MYCBP2: variants seen among roughly 807,000 people sequenced by gnomAD.
MYCBP2 encodes the protein E3 ubiquitin-protein ligase MYCBP2.
A neutral mutation model predicts 525.3 loss-of-function variants in MYCBP2; 120 were observed. The observed-to-expected ratio is 0.23, with a 90% CI of 0.20 to 0.27. The LOEUF is 0.27. Ranked by LOEUF, MYCBP2 falls within the 10% of genes least tolerant of loss-of-function variation. The pLI is 1.00. For missense variants in MYCBP2, 4,149 were observed against 5,657.1 expected (o/e 0.73, Z 8.55); for synonymous variants, 1,894 against 1,955.8 (o/e 0.97, Z 0.83).
At chr13:77,250,549 C>T (rs565950126) in intron 15 of MYCBP2, among the ~76,000 whole-genome samples, 2 of 152,144 alleles carry the variant, frequency 1.3e-5, no homozygotes, top group Non-Finnish European at 2.9e-5. Flanking sequence ...AAAATTCTTC[C>T]TAACATCCTA....
At chr13:77,283,989 T>C (rs530749320) in intron 3 of MYCBP2, among the ~76,000 whole-genome samples, 11 of 152,216 alleles carry the variant, frequency 7.2e-5, no homozygotes, top group Non-Finnish European at 1.6e-4. Context: ...CAGTTTGAGC[T>C]GGTTAAAAAA....
chr13:77,135,902 T>A (rs2053675780), intron 52 of MYCBP2, among the ~76,000 whole-genome samples: 1 of 151,872 alleles, frequency 6.6e-6, no homozygotes. Context: ...AGTGGTGTGA[T>A]CTCAGCTCAC....
rs531673237 is a variant in MYCBP2, at chr13:77,087,640, A to C, written c.10726-7T>G. ...ACAGAAGCCAGTTGAAAGCCTGAAG[A>C]AATGACGGTTAAATGAGTTCAAGAA... On this transcript the variant is annotated splice_polypyrimidine_tract_variant and splice_region_variant and intron_variant, in intron 61 of 82. Transcript: ENST00000544440. 78 of 1,608,546 alleles carry C rather than the reference A, an allele frequency of 4.8e-5. No individual in the cohort carries two copies. In the South Asian group the frequency reaches 8.4e-4, roughly 17 times the overall value.
rs1160830448 is a variant in MYCBP2, at chr13:77,181,859, G to A, written c.4783C>T (p.Leu1595=). The change falls in exon 33 of 83, where the codon CTG becomes TTG. Residue 1595 remains leucine, a synonymous_variant. Coordinates refer to ENST00000544440, the MANE Select transcript of MYCBP2 (RefSeq NM_015057.5). The stretch of plus-strand genomic sequence containing the variant: ...GTCAGCTTAACAGACGTGTGACACA[G>A]AGCTGACATAACAGCTGCAAGGAGT... ...SRLLAAVMSA[L]CHTSVKLTSI... is the part of the protein sequence containing the mutation. 6.2e-7 allele frequency: 1 copy of A among 1,614,020 alleles called. No individual in the cohort carries two copies. Among genetic ancestry groups the A allele is most frequent in the South Asian group, 1.1e-5 (1 of 91,074 alleles).
chr13:77,255,894 T>C (rs530901550), intron 14 of MYCBP2, among the ~76,000 whole-genome samples: 1 of 152,148 alleles, frequency 6.6e-6, no homozygotes, highest in East Asian at 1.9e-4. Context: ...CGCTTAGTTC[T>C]AATAATATAT....
chr13:77,326,366 A>G lies in MYCBP2; in HGVS notation c.302+108T>C. 1 of 1,125,532 alleles carries G rather than the reference A, an allele frequency of 8.9e-7. No individual in the cohort carries two copies. Among genetic ancestry groups the G allele is most frequent in the East Asian group, 2.9e-5 (1 of 34,074 alleles). The allele number at this position is 1,125,532 out of a possible 1,614,324, so 69.7% of individuals were successfully genotyped here. On this transcript the variant is annotated intron_variant, in intron 1 of 82. Coordinates refer to ENST00000544440, the MANE Select transcript of MYCBP2 (RefSeq NM_015057.5). This position sits in a 1 kb window ranked among gnomAD's most constrained non-coding sequence, Gnocchi z 4.2. ...TCCAGAGCGGACTGAAAGCTCAATA[A>G]ATGCGCAGGTACACACACGCAAGCA...
chr13:77,326,620 C>T lies in MYCBP2; in HGVS notation c.156G>A (p.Gly52=). ...GGGAGTCCGCGGCGGGTAGCCCCAG[C>T]CCCAGCCCCGCAGCAGCCACGGAGC... is the stretch of plus-strand genomic sequence containing the variant. The part of the protein sequence containing the change: ...PDGSVAAAGL[G]LGLPAADSRG... Residue 52 remains glycine, a synonymous_variant, in exon 1 of 83, where the codon GGG becomes GGA. Transcript: ENST00000544440. The surrounding 1 kb of genome is among the most constrained non-coding windows in gnomAD (Gnocchi z 4.2). 6.4e-7 allele frequency: 1 copy of T among 1,566,624 alleles called. No individual in the cohort carries two copies.
chr13:77,160,291 TC>T (rs1010551403), intron 44 of MYCBP2, among the ~76,000 whole-genome samples: 1 of 152,186 alleles, frequency 6.6e-6, no homozygotes, highest in African/African-American at 2.4e-5. Flanking sequence ...GTGCAGTTGC[TC>T]ACTAGCTGTA....
intron 7 of MYCBP2, among the ~76,000 whole-genome samples, chr13:77,269,475 A>C (rs956708460): frequency 1.2e-4 from 19 of 152,112 alleles, no homozygotes; most frequent in Non-Finnish European, 2.1e-4. Flanking sequence ...GTCTCTACTA[A>C]AAATACAAAA....
At chr13:77,189,101 T>G in intron 29 of MYCBP2, 54 bp from the exon 30 acceptor site, 4 of 1,333,756 alleles carry the variant, frequency 3.0e-6, no homozygotes, top group Non-Finnish European at 3.1e-6. Flanking sequence ...TGTCATTTTT[T>G]CTTTTTAAAG....
At position 77,326,435 on chromosome 13, in the gene MYCBP2, G is replaced by A. The variant is rs2082322458; in HGVS notation, c.302+39C>T. ...CGCGCGGCATGGGGCGCAAGGAAGG[G>A]CGGCATGGGGCGCAAGGAAGGGCAC... On this transcript the variant is annotated intron_variant, in intron 1 of 82. Coordinates refer to ENST00000544440, the MANE Select transcript of MYCBP2 (RefSeq NM_015057.5). The surrounding 1 kb of genome is among the most constrained non-coding windows in gnomAD (Gnocchi z 4.2). The A allele has an allele frequency of 1.3e-6, 2 of 1,504,404 alleles. No individual in the cohort carries two copies. Among genetic ancestry groups the A allele is most frequent in the Middle Eastern group, 1.8e-4 (1 of 5,680 alleles). The allele number at this position is 1,504,404 out of a possible 1,614,324, so 93.2% of individuals were successfully genotyped here.
intron 2 of MYCBP2, among the ~76,000 whole-genome samples, chr13:77,294,812 C>T (rs1470680043): frequency 6.6e-6 from 1 of 152,194 alleles, no homozygotes; most frequent in Admixed American, 6.5e-5. Context: ...TCTGCCTACC[C>T]GGCAACACTT....
chr13:77,115,090 T>C (rs1429156265), intron 55 of MYCBP2, among the ~76,000 whole-genome samples: 1 of 151,840 alleles, frequency 6.6e-6, no homozygotes, highest in Non-Finnish European at 1.5e-5. Flanking sequence ...GAGTAAACAA[T>C]GGAATATCAT....
Position 77,098,649 on chromosome 13 carries a change from C to T in MYCBP2, c.8505G>A (p.Ser2835=), listed in dbSNP as rs151034063. 68 of 1,613,440 alleles carry T rather than the reference C, an allele frequency of 4.2e-5. No individual in the cohort carries two copies. The highest frequency in any genetic ancestry group is 2.8e-4 in the African/African-American group (21 of 74,922). ...KTLPANRSSP[S]GASSPRSSSP... is the part of the protein sequence containing the mutation. ...AGGAGGAGCGTGGAGAACTAGCACC[C>T]GATGGGCTAGACCTATTGGCTGGGA... Residue 2835 remains serine (S), a synonymous_variant, in exon 56 of 83, where the codon TCG becomes TCA. Coordinates refer to ENST00000544440, the MANE Select transcript of MYCBP2 (RefSeq NM_015057.5).
intron 18 of MYCBP2, among the ~76,000 whole-genome samples, chr13:77,228,247 T>C (rs1357038379): frequency 1.3e-5 from 2 of 152,120 alleles, no homozygotes; most frequent in East Asian, 3.8e-4. Context: ...GGTTCACACC[T>C]GTAATCTCAG....
rs77025939 is a variant in MYCBP2 at position 77,114,888 on chromosome 13, G to A, written c.8140+6485C>T. Among the ~76,000 whole-genome samples the A allele has an allele frequency of 5.9e-4, 90 of 152,068 alleles. 1 individual carries two copies. In the East Asian group the frequency reaches 6.6e-3, roughly 11 times the overall value. ...TTGAAAAATGAACTATTCAGCCTCTGGAACAGTAGGTAGAAAGTGATAAAA... is the reference window on the plus strand; with the variant it reads ...TTGAAAAATGAACTATTCAGCCTCTAGAACAGTAGGTAGAAAGTGATAAAA... On this transcript the variant is annotated intron_variant, in intron 55 of 82. Transcript: ENST00000544440.
chr13:77,104,376 G>A (rs1455966783), intron 55 of MYCBP2, among the ~76,000 whole-genome samples: 2 of 152,078 alleles, frequency 1.3e-5, no homozygotes, highest in African/African-American at 4.8e-5. Flanking sequence ...AGACACAGTG[G>A]TGAACAGGAA....
At chr13:77,153,513 T>G (rs980441246) in intron 46 of MYCBP2, among the ~76,000 whole-genome samples, 4 of 152,250 alleles carry the variant, frequency 2.6e-5, no homozygotes, top group African/African-American at 9.6e-5. Flanking sequence ...CAATTTAACC[T>G]TTCTGTAAGC....
intron 68 of MYCBP2, among the ~76,000 whole-genome samples, chr13:77,074,221 A>G (rs1308345126): frequency 6.6e-6 from 1 of 152,176 alleles, no homozygotes; most frequent in African/African-American, 2.4e-5. Context: ...TAAATTGACT[A>G]TTGATAAATG....
Sources: allele counts gnomAD v4.1 joint callset (sites outside exome capture counted in the v4.1 genomes callset), GRCh38; gene constraint gnomAD v4.1.1; non-coding constraint Gnocchi (gnomAD v3.1); transcripts MANE v1.5; gene names NCBI Gene and HGNC (gene_info 2026-07-23, HGNC 2026-07-21).